MCTP2: variants seen among roughly 807,000 people sequenced by gnomAD.
MCTP2 encodes the protein multiple C2 and transmembrane domain-containing protein 2.
In MCTP2, 132 loss-of-function variants were observed where a neutral mutation model predicts 111.6. That is an observed-to-expected ratio of 1.18 (90% CI 1.03 to 1.37). The LOEUF (loss-of-function observed/expected upper bound fraction) is 1.37. Ranked by LOEUF, MCTP2 falls within the 40% of genes most tolerant of loss-of-function variation. The probability of loss-of-function intolerance (pLI) is 0.00; values close to 1 mark genes in which losing one functional copy is unlikely to be tolerated. For missense variants in MCTP2, 1,183 were observed against 1,067.9 expected (o/e 1.11, Z -1.50); for synonymous variants, 395 against 387.7 (o/e 1.02, Z -0.22).
intron 4 of MCTP2, among the ~76,000 whole-genome samples, chr15:94,317,798 TTCTC>T (rs1051897205): frequency 1.3e-5 from 2 of 152,290 alleles, no homozygotes; most frequent in South Asian, 2.1e-4. Context: ...TTCTTAAAAT[TTCTC>T]TCTCTCTTGC....
At chr15:94,257,566 G>GTTGTTTTTTTTTTTTTTTTTTTTTTTT (rs2072875186) in intron 1 of MCTP2, among the ~76,000 whole-genome samples, 1 of 73,006 alleles carries the variant, frequency 1.4e-5, no homozygotes, top group East Asian at 5.3e-4. Context: ...CATTTTCTTT[G>GTTGTTTTTTTTTTTTTTTTTTTTTTTT]TTGTTTTTTT....
intron 1 of MCTP2, among the ~76,000 whole-genome samples, chr15:94,262,694 A>G (rs2073260190): frequency 6.6e-6 from 1 of 151,680 alleles, no homozygotes; most frequent in Admixed American, 6.6e-5. Context: ...TGGAGGAGAC[A>G]GAGTCTTGCT....
At position 94,452,949 on chromosome 15, in the gene MCTP2, C is replaced by CTTTG. The variant is rs72317548; in HGVS notation, c.2251-5180_2251-5177dup. ...GAAGGGGTGGAAACACGTGAAAAAA[C>CTTTG]TTTGTTTGTTTTGTTTTGTTTTTTT... On this transcript the variant is annotated intron_variant, in intron 19 of 22. Transcript: ENST00000357742. 1.7e-4 allele frequency among the ~76,000 whole-genome samples: 26 copies of CTTTG among 151,982 alleles called. No individual in the cohort carries two copies. The South Asian group carries it at 5.4e-3, about 32-fold the overall frequency.
At chr15:94,332,466 C>T (rs74028560) in intron 4 of MCTP2, among the ~76,000 whole-genome samples, 5,471 of 152,094 alleles carry the variant, frequency 0.036, 323 homozygotes, top group African/African-American at 0.12. Flanking sequence ...AAAATATATA[C>T]GTTTTATATG....
intron 9 of MCTP2, among the ~76,000 whole-genome samples, chr15:94,358,145 A>G (rs756870639): frequency 6.6e-6 from 1 of 152,242 alleles, no homozygotes; most frequent in Non-Finnish European, 1.5e-5. Context: ...AATTAGTGTG[A>G]TGTCCTATAA....
chr15:94,314,471 T>G (rs2076292075), intron 3 of MCTP2, 127 bp downstream of exon 3: 12 of 710,726 alleles, frequency 1.7e-5, no homozygotes, highest in Middle Eastern at 4.1e-4. Flanking sequence ...CGTATCCACT[T>G]ACAAAACCAG....
chr15:94,386,193 G>T (rs1287913473), intron 14 of MCTP2, among the ~76,000 whole-genome samples: 2 of 152,116 alleles, frequency 1.3e-5, no homozygotes, highest in African/African-American at 4.8e-5. Flanking sequence ...GCTGGGGAGT[G>T]AATTCATCTC....
At chr15:94,468,896 A>C (rs1334113938) in intron 20 of MCTP2, among the ~76,000 whole-genome samples, 1 of 152,116 alleles carries the variant, frequency 6.6e-6, no homozygotes, top group Non-Finnish European at 1.5e-5. Context: ...CCAAAGTGCT[A>C]GGATTACAGA....
intron 1 of MCTP2, among the ~76,000 whole-genome samples, chr15:94,242,851 C>A (rs1342296134): frequency 6.7e-6 from 1 of 150,344 alleles, no homozygotes; most frequent in Non-Finnish European, 1.5e-5. Context: ...TTGATGAAAG[C>A]CTGGCCACTT....
intron 17 of MCTP2, among the ~76,000 whole-genome samples, chr15:94,436,558 T>C (rs2083487566): frequency 6.6e-6 from 1 of 152,194 alleles, no homozygotes; most frequent in South Asian, 2.1e-4. Flanking sequence ...TCAATTTTTG[T>C]TGTAAAACAT....
chr15:94,345,244 A>G (rs1567481367), intron 8 of MCTP2, 80 bp downstream of exon 8: 2 of 1,291,030 alleles, frequency 1.5e-6, no homozygotes, highest in Non-Finnish European at 1.1e-6. Flanking sequence ...TGCATGATAG[A>G]TATTACCCAA....
At chr15:94,402,387 A>G (rs1475950169) in intron 17 of MCTP2, 1 of 1,505,758 alleles carries the variant, frequency 6.6e-7, no homozygotes, top group Non-Finnish European at 8.9e-7. Flanking sequence ...TTCAATTTAC[A>G]TTTTAAGTAA....
Position 94,298,486 on chromosome 15 carries a change from C to G in MCTP2, c.221C>G (p.Ser74Cys), listed in dbSNP as rs368477097. Residue 74 changes from serine (S) to cysteine (C), a missense_variant, in exon 2 of 23, where the codon TCC (serine) becomes TGC (cysteine). Coordinates refer to ENST00000357742, the MANE Select transcript of MCTP2 (RefSeq NM_001385001.1). ...EGRPYSGPQSSYTSVPSSLST... is the reference protein window; with the variant it reads ...EGRPYSGPQSCYTSVPSSLST... ...CGGCCTTACTCCGGGCCACAGTCTT[C>G]CTACACCTCGGTGCCCAGCAGTCTG... 1.7e-5 allele frequency: 27 copies of G among 1,613,982 alleles called. No homozygotes were observed. The highest frequency in any genetic ancestry group is 8.5e-6 in the Non-Finnish European group (10 of 1,180,004).
At chr15:94,475,980 G>C (rs531579001) in intron 21 of MCTP2, among the ~76,000 whole-genome samples, 1 of 152,132 alleles carries the variant, frequency 6.6e-6, no homozygotes, top group Non-Finnish European at 1.5e-5. Context: ...ACAGACCCAC[G>C]CACCGACGTT....
chr15:94,423,148 C>T (rs1490874408), intron 17 of MCTP2, among the ~76,000 whole-genome samples: 5 of 152,168 alleles, frequency 3.3e-5, no homozygotes, highest in African/African-American at 1.2e-4. Context: ...CAAACTTTGT[C>T]TTCCAAGTGA....
At chr15:94,437,999 T>A (rs1298246553) in intron 17 of MCTP2, among the ~76,000 whole-genome samples, 2 of 151,848 alleles carry the variant, frequency 1.3e-5, no homozygotes, top group African/African-American at 2.4e-5. Flanking sequence ...TCATACACAG[T>A]CATCTTTAGA....
At chr15:94,402,856 A>G in intron 17 of MCTP2, 12 of 1,222,690 alleles carry the variant, frequency 9.8e-6, no homozygotes, top group Non-Finnish European at 1.0e-5. Flanking sequence ...TGAGTGGTCT[A>G]AGAGTGTGAA....
Position 94,479,033 on chromosome 15 carries a change from A to C in MCTP2, c.2636A>C (p.Ter879SerextTer16). 6.2e-7 allele frequency: 1 copy of C among 1,613,986 alleles called. No homozygotes were observed. Among genetic ancestry groups the C allele is most frequent in the Non-Finnish European group, 8.5e-7 (1 of 1,179,952 alleles). Reference sequence around the variant, plus strand: ...CTGCGGAAGAAGCGCAGCGCTCTCTAGGGCACACACCGACTTTGGACAGCA... The same window carrying C: ...CTGCGGAAGAAGCGCAGCGCTCTCTCGGGCACACACCGACTTTGGACAGCA... ...SPLRKKRSAL[*>S] The change falls in exon 23 of 23, where the codon TAG becomes TCG. Residue 879 changes from the stop codon to serine, a stop_lost. Coordinates refer to ENST00000357742, the MANE Select transcript of MCTP2 (RefSeq NM_001385001.1).
At chr15:94,473,797 C>T (rs1225942885) in intron 21 of MCTP2, among the ~76,000 whole-genome samples, 1 of 152,214 alleles carries the variant, frequency 6.6e-6, no homozygotes, top group Non-Finnish European at 1.5e-5. Context: ...ACCCCTGCCT[C>T]ACCCCAACCA....
Sources: gnomAD v4.1 joint callset for allele counts (sites outside exome capture counted in the v4.1 genomes callset) on GRCh38, gnomAD v4.1.1 for gene constraint, MANE v1.5 for transcripts, NCBI Gene and HGNC (gene_info 2026-07-23, HGNC 2026-07-21) for gene names.